FBXW2: variants seen among roughly 807,000 people sequenced by gnomAD.
FBXW2 encodes F-box/WD repeat-containing protein 2.
FBXW2 carries 12 observed loss-of-function variants against 46.0 expected under a neutral mutation model. That is an observed-to-expected ratio of 0.26 (90% confidence interval 0.17 to 0.42). The LOEUF is 0.42. Among genes scored for constraint, FBXW2 ranks in the 10% least tolerant of loss-of-function variants. The pLI is 1.00. For missense variants in FBXW2, 360 were observed against 537.0 expected (o/e 0.67, Z 3.26); for synonymous variants, 203 against 209.6 (o/e 0.97, Z 0.27).
Position 120,764,211 on chromosome 9 carries a change from A to T in FBXW2, c.*348T>A. Reference sequence around the variant, plus strand: ...TTAATAACAGACAATGTGATTTCATAGGCAACCAATTAGCAGATTAATGGA... The same window carrying T: ...TTAATAACAGACAATGTGATTTCATTGGCAACCAATTAGCAGATTAATGGA... On this transcript the variant is annotated 3_prime_UTR_variant, in exon 8 of 8. Coordinates refer to ENST00000608872, the MANE Select transcript of FBXW2 (RefSeq NM_012164.4). 1 of 402,164 alleles carries T rather than the reference A, an allele frequency of 2.5e-6. No individual in the cohort carries two copies. Among genetic ancestry groups the T allele is most frequent in the Non-Finnish European group, 4.4e-6 (1 of 228,346 alleles). 24.9% of individuals were successfully genotyped at this position (402,164 alleles called of 1,614,324 possible).
Position 120,764,060 on chromosome 9 carries a change from G to C in FBXW2, c.*499C>G, listed in dbSNP as rs923523211. 1.1e-4 allele frequency: 25 copies of C among 225,300 alleles called. No individual in the cohort carries two copies. The highest frequency in any genetic ancestry group is 2.1e-4 in the Non-Finnish European group (25 of 117,092). 14.0% of individuals were successfully genotyped at this position (225,300 alleles called of 1,614,324 possible). On this transcript the variant is annotated 3_prime_UTR_variant, in exon 8 of 8. Coordinates refer to ENST00000608872, the MANE Select transcript of FBXW2 (RefSeq NM_012164.4). ...GTATTTGGTGGAAGTTTATAAACTG[G>C]TATTTGGTGGAAGTTTTAACACTGG...
rs2044212735 is a variant in FBXW2, at chr9:120,762,546, C to T, written c.*2013G>A. The T allele has an allele frequency of 6.6e-6, 1 of 152,078 alleles. No individual in the cohort carries two copies. Among genetic ancestry groups the T allele is most frequent in the Admixed American group, 6.5e-5 (1 of 15,270 alleles). 9.4% of individuals were successfully genotyped at this position (152,078 alleles called of 1,614,324 possible). On this transcript the variant is annotated 3_prime_UTR_variant, in exon 8 of 8. Transcript: ENST00000608872. ...GAAGATATTGTTCTTTTGCTTAAACCCCACAGAGTTTCAACATGGATATTA... is the reference window on the plus strand; with the variant it reads ...GAAGATATTGTTCTTTTGCTTAAACTCCACAGAGTTTCAACATGGATATTA...
Position 120,781,653 on chromosome 9 carries a change from C to T in FBXW2, c.491-3108G>A, listed in dbSNP as rs936706575. Among the ~76,000 whole-genome samples, 22 of 151,542 alleles carry T rather than the reference C, an allele frequency of 1.5e-4. 1 individual carries two copies. The highest frequency in any genetic ancestry group is 2.0e-4 in the Admixed American group (3 of 15,168). ...ATATACATACACACACACACACACA[C>T]ACACACACACACACACACACACATA... On this transcript the variant is annotated intron_variant, in intron 3 of 7. Transcript: ENST00000608872.
rs968932506 is a variant in FBXW2 at position 120,760,868 on chromosome 9, A to C, written c.*3691T>G. On this transcript the variant is annotated 3_prime_UTR_variant, in exon 8 of 8. Transcript: ENST00000608872. ...GAAAGTTATTTCTTTTGTTTTACAAATAGAGAGCAGTAATCATTTTCCTAT... is the reference window on the plus strand; with the variant it reads ...GAAAGTTATTTCTTTTGTTTTACAACTAGAGAGCAGTAATCATTTTCCTAT... 3 of 152,216 alleles carry C rather than the reference A, an allele frequency of 2.0e-5. No individual in the cohort carries two copies. The highest frequency in any genetic ancestry group is 1.9e-4 in the East Asian group (1 of 5,190). 9.4% of individuals were successfully genotyped at this position (152,216 alleles called of 1,614,324 possible). A position where few individuals can be genotyped will look rare whatever the true frequency, so the allele number is the denominator to read the frequency against.
intron 5 of FBXW2, 27 bp from the exon 6 acceptor site, chr9:120,772,867 A>C: frequency 1.3e-6 from 2 of 1,490,930 alleles, no homozygotes; most frequent in South Asian, 2.3e-5. Context: ...TGTTACGGAA[A>C]GATCCTTTTA....
chr9:120,775,054 T>G (rs949438699), intron 5 of FBXW2, among the ~76,000 whole-genome samples: 1 of 152,112 alleles, frequency 6.6e-6, no homozygotes, highest in African/African-American at 2.4e-5. Flanking sequence ...AACTAATTAC[T>G]TTCCTATACT....
At chr9:120,793,286 C>T in intron 1 of FBXW2, 29 bp from the exon 2 acceptor site, 1 of 455,998 alleles carries the variant, frequency 2.2e-6, no homozygotes, top group Non-Finnish European at 3.9e-6. Flanking sequence ...AGCCAAGGCG[C>T]GGCGGGTCAG....
chr9:120,783,382 A>G (rs1180974086), intron 3 of FBXW2, among the ~76,000 whole-genome samples: 1 of 152,162 alleles, frequency 6.6e-6, no homozygotes, highest in Non-Finnish European at 1.5e-5. Context: ...GTGAAAGAGG[A>G]CTAAAGAAAT....
chr9:120,788,631 C>T (rs118163345), intron 2 of FBXW2, among the ~76,000 whole-genome samples: 39 of 152,282 alleles, frequency 2.6e-4, no homozygotes, highest in Admixed American at 1.0e-3. Flanking sequence ...TTACAATACA[C>T]CCTTCCCCCA....
Position 120,761,577 on chromosome 9 carries a change from GCTTTC to G in FBXW2, c.*2977_*2981del, listed in dbSNP as rs1237734434. 1 of 152,170 alleles carries G rather than the reference GCTTTC, an allele frequency of 6.6e-6. No individual in the cohort carries two copies. The highest frequency in any genetic ancestry group is 1.5e-5 in the Non-Finnish European group (1 of 68,014). 9.4% of individuals were successfully genotyped at this position (152,170 alleles called of 1,614,324 possible). On this transcript the variant is annotated 3_prime_UTR_variant, in exon 8 of 8. Coordinates refer to ENST00000608872, the MANE Select transcript of FBXW2 (RefSeq NM_012164.4). The stretch of plus-strand genomic sequence containing the variant: ...ACTTCTCATTCTGACTCCCCACTTT[GCTTTC>G]TTTTGCAAAAAGGATGAGCTAGTTT...
At position 120,759,944 on chromosome 9, in the gene FBXW2, T is replaced by C. The variant is rs570896731; in HGVS notation, c.*4615A>G. ...GTGCAAAGACTACTCAGTAATCCAT[T>C]TGAGGATTTATTCTGAAAAAAGTTT... On this transcript the variant is annotated 3_prime_UTR_variant, in exon 8 of 8. Transcript: ENST00000608872. The C allele has an allele frequency of 2.9e-4, 44 of 152,346 alleles. No individual in the cohort carries two copies. The highest frequency in any genetic ancestry group is 1.0e-3 in the African/African-American group (42 of 41,580). 9.4% of individuals were successfully genotyped at this position (152,346 alleles called of 1,614,324 possible).
chr9:120,767,836 A>T (rs537295382), intron 7 of FBXW2, among the ~76,000 whole-genome samples: 2 of 152,292 alleles, frequency 1.3e-5, no homozygotes, highest in African/African-American at 2.4e-5. Context: ...AGCTCTATTG[A>T]TTTTATGCCC....
At chr9:120,766,938 T>C (rs1378699996) in intron 7 of FBXW2, among the ~76,000 whole-genome samples, 3 of 152,196 alleles carry the variant, frequency 2.0e-5, no homozygotes, top group East Asian at 3.8e-4. Flanking sequence ...ATAAGCAAGA[T>C]AGTCTTTGCC....
chr9:120,764,990 TAA>T, intron 7 of FBXW2, 143 bp from the exon 8 acceptor site: 1 of 693,500 alleles, frequency 1.4e-6, no homozygotes, highest in Non-Finnish European at 2.2e-6. Flanking sequence ...AAGTAAAATA[TAA>T]GGAGAAAAGC....
At chr9:120,769,656 T>C (rs1275795686) in intron 7 of FBXW2, among the ~76,000 whole-genome samples, 1 of 152,244 alleles carries the variant, frequency 6.6e-6, no homozygotes, top group Non-Finnish European at 1.5e-5. Flanking sequence ...CTTTACAAAA[T>C]ATCAGATTCT....
chr9:120,776,151 G>A lies in FBXW2; in HGVS notation c.761C>T (p.Ala254Val). 1 of 1,614,066 alleles carries A rather than the reference G, an allele frequency of 6.2e-7. No individual in the cohort carries two copies. The highest frequency in any genetic ancestry group is 8.5e-7 in the Non-Finnish European group (1 of 1,180,010). The change falls in exon 5 of 8, where the codon GCT (alanine) becomes GTT (valine). Residue 254 changes from alanine (A) to valine (V), a missense_variant. By Grantham distance (64) the Ala-to-Val change is moderately conservative. Coordinates refer to ENST00000608872, the MANE Select transcript of FBXW2 (RefSeq NM_012164.4). ...GSADFTVKVW[A>V]LSAGTCLNTL... ...GTTCAGGCATGTCCCAGCAGATAAAGCCCATACTTTCACAGTGAAGTCTGC... is the reference window on the plus strand; with the variant it reads ...GTTCAGGCATGTCCCAGCAGATAAAACCCATACTTTCACAGTGAAGTCTGC...
intron 6 of FBXW2, among the ~76,000 whole-genome samples, chr9:120,772,251 T>C (rs1366002054): frequency 6.6e-6 from 1 of 151,650 alleles, no homozygotes; most frequent in African/African-American, 2.4e-5. Context: ...TTCCAGCATT[T>C]TGGGAGGTCA....
chr9:120,769,734 G>A (rs1178025739), intron 7 of FBXW2, among the ~76,000 whole-genome samples: 2 of 152,098 alleles, frequency 1.3e-5, no homozygotes, highest in South Asian at 2.1e-4. Flanking sequence ...TATACCTATT[G>A]GATAATCCAG....
At chr9:120,784,667 C>T (rs2044682229) in intron 3 of FBXW2, among the ~76,000 whole-genome samples, 1 of 151,740 alleles carries the variant, frequency 6.6e-6, no homozygotes, top group South Asian at 2.1e-4. Context: ...CACCTGTAAT[C>T]CCAGCACTTT....
Sources: gnomAD v4.1 joint callset for allele counts (sites outside exome capture counted in the v4.1 genomes callset) on GRCh38, gnomAD v4.1.1 for gene constraint, MANE v1.5 for transcripts, NCBI Gene and HGNC (gene_info 2026-07-23, HGNC 2026-07-21) for gene names.